Variants in CNTN4 observed in about 807,000 individuals in gnomAD.
The protein encoded by CNTN4 is contactin-4.
CNTN4 carries 77 observed loss-of-function variants against 122.5 expected under a neutral mutation model. The observed-to-expected ratio is 0.63, with a 90% CI of 0.52 to 0.76. CNTN4 has a LOEUF of 0.76. Ranked by LOEUF, CNTN4 falls within the 30% of genes least tolerant of loss-of-function variation. CNTN4 has a pLI of 0.00. For missense variants in CNTN4, 1,256 were observed against 1,259.1 expected (o/e 1.00, Z 0.04); for synonymous variants, 512 against 447.0 (o/e 1.15, Z -1.83).
At chr3:2,844,170 A>G (rs2093415329) in intron 7 of CNTN4, among the ~76,000 whole-genome samples, 1 of 152,060 alleles carries the variant, frequency 6.6e-6, no homozygotes, top group African/African-American at 2.4e-5. Flanking sequence ...TTCATTTCAA[A>G]TCTCTGCTCA....
At chr3:2,729,248 T>C (rs2088465130) in intron 4 of CNTN4, among the ~76,000 whole-genome samples, 1 of 152,146 alleles carries the variant, frequency 6.6e-6, no homozygotes, top group African/African-American at 2.4e-5. Flanking sequence ...GTAGTTTTTC[T>C]TCACTGGGAT....
intron 3 of CNTN4, among the ~76,000 whole-genome samples, chr3:2,382,037 A>G (rs1261998727): frequency 6.6e-6 from 1 of 152,192 alleles, no homozygotes; most frequent in Non-Finnish European, 1.5e-5. Flanking sequence ...TGATTTGCTT[A>G]GGGACATAAG....
intron 3 of CNTN4, among the ~76,000 whole-genome samples, chr3:2,348,429 G>A (rs1310552075): frequency 1.3e-5 from 2 of 152,016 alleles, no homozygotes; most frequent in Non-Finnish European, 2.9e-5. Context: ...TATGTCTCCT[G>A]TCCCTCCTTA....
intron 10 of CNTN4, among the ~76,000 whole-genome samples, chr3:2,898,387 C>T (rs1265313572): frequency 1.1e-4 from 16 of 152,170 alleles, no homozygotes; most frequent in Admixed American, 1.0e-3. Flanking sequence ...TTCACCTTGG[C>T]CCGCACAAAT....
intron 2 of CNTN4, among the ~76,000 whole-genome samples, chr3:2,220,281 C>T (rs917845317): frequency 2.6e-5 from 4 of 152,160 alleles, no homozygotes; most frequent in African/African-American, 9.6e-5. Context: ...CTTATCACCA[C>T]CTGCCTTGTG....
intron 3 of CNTN4, among the ~76,000 whole-genome samples, chr3:2,440,998 T>G (rs2653493): frequency 0.32 from 48,765 of 150,444 alleles, 8,176 homozygotes; most frequent in Admixed American, 0.4. Flanking sequence ...TATGTATATG[T>G]GTGTATATAT....
At chr3:2,941,716 G>A (rs1042112345) in intron 13 of CNTN4, among the ~76,000 whole-genome samples, 4 of 152,106 alleles carry the variant, frequency 2.6e-5, no homozygotes, top group Non-Finnish European at 4.4e-5. Context: ...TGTGTTCTCT[G>A]TACCATAGCC....
intron 6 of CNTN4, among the ~76,000 whole-genome samples, chr3:2,809,177 G>A (rs1351809163): frequency 1.3e-5 from 2 of 152,200 alleles, no homozygotes; most frequent in Admixed American, 1.3e-4. Flanking sequence ...TGATTTCTGG[G>A]AAGGATGTAG....
chr3:2,726,434 G>T (rs2088228134), intron 4 of CNTN4, among the ~76,000 whole-genome samples: 1 of 152,214 alleles, frequency 6.6e-6, no homozygotes, highest in East Asian at 1.9e-4. Context: ...CACTTGAGTT[G>T]AAAGAGTAGG....
intron 6 of CNTN4, among the ~76,000 whole-genome samples, chr3:2,768,178 A>C (rs1359919513): frequency 6.6e-6 from 1 of 152,204 alleles, no homozygotes; most frequent in Non-Finnish European, 1.5e-5. Flanking sequence ...TCATTTGACC[A>C]GGTGGCCTCG....
chr3:2,541,919 C>A (rs1290177089), intron 3 of CNTN4, among the ~76,000 whole-genome samples: 1 of 152,044 alleles, frequency 6.6e-6, no homozygotes, highest in Non-Finnish European at 1.5e-5. Flanking sequence ...CTCTGTGGAA[C>A]TGAGTTGTGA....
chr3:2,953,998 G>A (rs2094773243), intron 13 of CNTN4, among the ~76,000 whole-genome samples: 1 of 152,114 alleles, frequency 6.6e-6, no homozygotes, highest in Admixed American at 6.5e-5. Flanking sequence ...ATCACCTTTT[G>A]GTTTTCATAC....
At chr3:3,014,063 C>CACAT (rs1175502763) in intron 14 of CNTN4, among the ~76,000 whole-genome samples, 1 of 151,458 alleles carries the variant, frequency 6.6e-6, no homozygotes, top group Non-Finnish European at 1.5e-5. Flanking sequence ...CACACACACA[C>CACAT]ACACACACAC....
intron 3 of CNTN4, among the ~76,000 whole-genome samples, chr3:2,345,984 G>A (rs375303273): frequency 1.3e-5 from 2 of 152,128 alleles, no homozygotes; most frequent in African/African-American, 2.4e-5. Context: ...TAGTTTAGGT[G>A]TATCTCCTTT....
At chr3:2,798,600 G>T (rs2092268579) in intron 6 of CNTN4, among the ~76,000 whole-genome samples, 1 of 152,024 alleles carries the variant, frequency 6.6e-6, no homozygotes, top group Non-Finnish European at 1.5e-5. Flanking sequence ...ACTTCTGCCT[G>T]CTGCACTCAA....
chr3:2,933,041 C>G (rs1207575134), intron 13 of CNTN4, among the ~76,000 whole-genome samples: 1 of 152,026 alleles, frequency 6.6e-6, no homozygotes, highest in Non-Finnish European at 1.5e-5. Context: ...CCAGGATGGT[C>G]TCGATCTCCT....
At chr3:2,307,434 CAAAA>C (rs61558669) in intron 2 of CNTN4, among the ~76,000 whole-genome samples, 42,884 of 124,416 alleles carry the variant, frequency 0.34, 7,245 homozygotes, top group East Asian at 0.51. Context: ...GACTCCATCT[CAAAA>C]AAAAAAAAAA....
intron 4 of CNTN4, among the ~76,000 whole-genome samples, chr3:2,646,842 C>T (rs998668619): frequency 6.6e-6 from 1 of 152,122 alleles, no homozygotes; most frequent in Non-Finnish European, 1.5e-5. Flanking sequence ...CTTATAAGGA[C>T]AGCAGTCAGA....
chr3:2,910,976 C>G (rs536352556), intron 12 of CNTN4, among the ~76,000 whole-genome samples: 1 of 152,178 alleles, frequency 6.6e-6, no homozygotes, highest in African/African-American at 2.4e-5. Context: ...TTATGGCACT[C>G]GCTTGCTGGA....
Sources: allele counts gnomAD v4.1 joint callset (sites outside exome capture counted in the v4.1 genomes callset), GRCh38; gene constraint gnomAD v4.1.1; transcripts MANE v1.5; gene names NCBI Gene and HGNC (gene_info 2026-07-23, HGNC 2026-07-21).